Variants in RAP1GDS1 observed in about 807,000 individuals in gnomAD.
RAP1GDS1 encodes the protein RAP1, GTP-GDP dissociation stimulator 1.
A neutral mutation model predicts 71.1 loss-of-function variants in RAP1GDS1; 35 were observed. The ratio of observed to expected loss-of-function variants is 0.49; its 90% CI spans 0.38 to 0.65. The LOEUF (loss-of-function observed/expected upper bound fraction) is 0.65. Among genes scored for constraint, RAP1GDS1 ranks in the 30% least tolerant of loss-of-function variants. RAP1GDS1 has a pLI of 0.00. For missense variants in RAP1GDS1, 663 were observed against 706.1 expected (o/e 0.94, Z 0.69); for synonymous variants, 229 against 243.1 (o/e 0.94, Z 0.54).
At chr4:98,326,160 A>G (rs1406913251) in intron 2 of RAP1GDS1, among the ~76,000 whole-genome samples, 1 of 152,200 alleles carries the variant, frequency 6.6e-6, no homozygotes, top group Non-Finnish European at 1.5e-5. Flanking sequence ...TTCTCAGAAT[A>G]GAACTTAATT....
At chr4:98,272,241 T>C (rs1253162927) in intron 1 of RAP1GDS1, among the ~76,000 whole-genome samples, 1 of 152,240 alleles carries the variant, frequency 6.6e-6, no homozygotes, top group African/African-American at 2.4e-5. Context: ...CAAACACATC[T>C]TTATTAATCA....
intron 5 of RAP1GDS1, among the ~76,000 whole-genome samples, chr4:98,387,236 T>C (rs778468516): frequency 6.6e-6 from 1 of 152,208 alleles, no homozygotes; most frequent in Non-Finnish European, 1.5e-5. Flanking sequence ...CTTAATCTTA[T>C]AACATTGTCT....
At chr4:98,350,701 G>T (rs1010583611) in intron 3 of RAP1GDS1, among the ~76,000 whole-genome samples, 2 of 152,160 alleles carry the variant, frequency 1.3e-5, no homozygotes, top group African/African-American at 4.8e-5. Flanking sequence ...AGCTGGCTGT[G>T]GTGGCACTTG....
chr4:98,348,089 A>G (rs1353519701), intron 3 of RAP1GDS1, among the ~76,000 whole-genome samples: 1 of 152,108 alleles, frequency 6.6e-6, no homozygotes, highest in Non-Finnish European at 1.5e-5. Context: ...TACATTAGGT[A>G]TATCTCCTAA....
At chr4:98,339,507 A>G (rs904154258) in intron 2 of RAP1GDS1, among the ~76,000 whole-genome samples, 1 of 152,198 alleles carries the variant, frequency 6.6e-6, no homozygotes, top group African/African-American at 2.4e-5. Context: ...CTGGCTACAG[A>G]TAGTGAAGAG....
rs144058351 is a variant in RAP1GDS1 at position 98,418,637 on chromosome 4, A to G, written c.1040-20A>G. 4 of 1,577,732 alleles carry G rather than the reference A, an allele frequency of 2.5e-6. No homozygotes were observed. The highest frequency in any genetic ancestry group is 8.6e-7 in the Non-Finnish European group (1 of 1,165,552). Reference sequence around the variant, plus strand: ...AGATATTTTAAAGAGGAAGAAAAAGATGTGTGTTTTTTTTTTCAGATGCAA... The same window carrying G: ...AGATATTTTAAAGAGGAAGAAAAAGGTGTGTGTTTTTTTTTTCAGATGCAA... On this transcript the variant is annotated intron_variant, in intron 9 of 14. Coordinates refer to ENST00000408927, the MANE Select transcript of RAP1GDS1 (RefSeq NM_001100427.2).
rs150192108 is a variant in RAP1GDS1, at chr4:98,376,823, G to A, written c.362-2194G>A. On this transcript the variant is annotated intron_variant, in intron 4 of 14. Coordinates refer to ENST00000408927, the MANE Select transcript of RAP1GDS1 (RefSeq NM_001100427.2). Reference sequence around the variant, plus strand: ...CTCAATAACACATGAGCAAAAAGCTGTGTTATAGACAATTCAGAGGAGGGG... The same window carrying A: ...CTCAATAACACATGAGCAAAAAGCTATGTTATAGACAATTCAGAGGAGGGG... Among the ~76,000 whole-genome samples the A allele has an allele frequency of 4.3e-3, 660 of 152,096 alleles. 13 individuals are homozygous for A. Among genetic ancestry groups the A allele is most frequent in the Admixed American group, 0.036 (548 of 15,250 alleles).
chr4:98,268,090 A>G (rs1417651851), intron 1 of RAP1GDS1, among the ~76,000 whole-genome samples: 1 of 152,132 alleles, frequency 6.6e-6, no homozygotes, highest in East Asian at 1.9e-4. Context: ...TTTGATTTGC[A>G]GTCTCATCAC....
At position 98,273,022 on chromosome 4, in the gene RAP1GDS1, C is replaced by T. The variant is rs1438618317; in HGVS notation, c.4+11453C>T. Among the ~76,000 whole-genome samples, 4 of 152,116 alleles carry T rather than the reference C, an allele frequency of 2.6e-5. No individual in the cohort carries two copies. In the South Asian group the frequency reaches 8.3e-4, roughly 32 times the overall value. On this transcript the variant is annotated intron_variant, in intron 1 of 14. Coordinates refer to ENST00000408927, the MANE Select transcript of RAP1GDS1 (RefSeq NM_001100427.2). ...GACATTGAGTTCTTCGGCAACTTCTCGTGTAGTTGTAAGAGGATCAGCTTT... is the reference window on the plus strand; with the variant it reads ...GACATTGAGTTCTTCGGCAACTTCTTGTGTAGTTGTAAGAGGATCAGCTTT...
chr4:98,308,331 A>ATATATATATATATATC (rs1387647887), intron 2 of RAP1GDS1, among the ~76,000 whole-genome samples: 3 of 137,424 alleles, frequency 2.2e-5, no homozygotes, highest in East Asian at 4.3e-4. Flanking sequence ...ATATATATAT[A>ATATATATATATATATC]TGCGCCAGGC....
chr4:98,409,725 G>A, intron 7 of RAP1GDS1: 1 of 472,658 alleles, frequency 2.1e-6, no homozygotes, highest in Non-Finnish European at 4.3e-6. Context: ...GAAGGGGCCT[G>A]AGCTGCTGGA....
chr4:98,334,277 G>A (rs967390020), intron 2 of RAP1GDS1, among the ~76,000 whole-genome samples: 1 of 151,974 alleles, frequency 6.6e-6, no homozygotes, highest in Non-Finnish European at 1.5e-5. Context: ...AAATTTTGGG[G>A]TAAAACTGTT....
At chr4:98,345,323 A>G (rs1256169504) in intron 3 of RAP1GDS1, among the ~76,000 whole-genome samples, 3 of 152,228 alleles carry the variant, frequency 2.0e-5, no homozygotes, top group Non-Finnish European at 4.4e-5. Context: ...ATATTAGCAT[A>G]TACTTCTTCC....
Position 98,437,028 on chromosome 4 carries a change from A to G in RAP1GDS1, c.1656A>G (p.Lys552=), listed in dbSNP as rs1751233033. The change falls in exon 14 of 15, where the codon AAA becomes AAG. Residue 552 remains lysine, a synonymous_variant. Transcript: ENST00000408927. Reference sequence around the variant, plus strand: ...ATGAGAGAAGTGCTCCTGAAATCAAATATAATTCCATGGTCCTGATATGTG... The same window carrying G: ...ATGAGAGAAGTGCTCCTGAAATCAAGTATAATTCCATGGTCCTGATATGTG... ...LADERSAPEI[K]YNSMVLICAL... The G allele has an allele frequency of 6.2e-7, 1 of 1,612,512 alleles. No homozygotes were observed. Among genetic ancestry groups the G allele is most frequent in the Non-Finnish European group, 8.5e-7 (1 of 1,179,662 alleles).
Position 98,436,062 on chromosome 4 carries a change from C to T in RAP1GDS1, c.1568-878C>T, listed in dbSNP as rs190948217. On this transcript the variant is annotated intron_variant, in intron 13 of 14. Transcript: ENST00000408927. ...CTCCAGCCTGGGCGACAGAGCCAGA[C>T]GCTGTCTCAAAAAAAAAATATATAT... Among the ~76,000 whole-genome samples the T allele has an allele frequency of 3.6e-3, 534 of 147,056 alleles. 3 individuals carry two copies. The highest frequency in any genetic ancestry group is 0.013 in the African/African-American group (500 of 38,820).
At chr4:98,349,250 C>T (rs1736773689) in intron 3 of RAP1GDS1, among the ~76,000 whole-genome samples, 1 of 152,120 alleles carries the variant, frequency 6.6e-6, no homozygotes, top group South Asian at 2.1e-4. Flanking sequence ...TTGTTTTTGT[C>T]AGGTTTGTCA....
intron 2 of RAP1GDS1, among the ~76,000 whole-genome samples, chr4:98,326,424 G>A (rs1733096708): frequency 6.6e-6 from 1 of 151,844 alleles, no homozygotes; most frequent in Non-Finnish European, 1.5e-5. Flanking sequence ...AACCTCATTC[G>A]ATAACTGCTG....
At chr4:98,424,920 C>T (rs1051565902) in intron 12 of RAP1GDS1, among the ~76,000 whole-genome samples, 1 of 152,178 alleles carries the variant, frequency 6.6e-6, no homozygotes, top group African/African-American at 2.4e-5. Context: ...AGATCATTGC[C>T]TAGGCATATT....
chr4:98,435,567 T>C (rs569540046), intron 13 of RAP1GDS1, among the ~76,000 whole-genome samples: 3 of 152,274 alleles, frequency 2.0e-5, no homozygotes, highest in African/African-American at 7.2e-5. Context: ...GGGCTTAGGC[T>C]TGCTCTCTCA....
Sources: allele counts gnomAD v4.1 joint callset (sites outside exome capture counted in the v4.1 genomes callset), GRCh38; gene constraint gnomAD v4.1.1; transcripts MANE v1.5; gene names NCBI Gene and HGNC (gene_info 2026-07-23, HGNC 2026-07-21).